Variants in GPR31 observed in about 807,000 individuals in gnomAD.
The protein encoded by GPR31 is 12-(S)-hydroxy-5,8,10,14-eicosatetraenoic acid receptor.
For missense variants in GPR31, 394 were observed against 400.5 expected (o/e 0.98, Z 0.14); for synonymous variants, 209 against 183.8 (o/e 1.14, Z -1.11).
chr6:167,157,238 T>C lies in GPR31; in HGVS notation c.594A>G (p.Ala198=). 8 of 1,614,182 alleles carry C rather than the reference T, an allele frequency of 5.0e-6. No individual in the cohort carries two copies. The highest frequency in any genetic ancestry group is 6.8e-6 in the Non-Finnish European group (8 of 1,180,034). The change falls in exon 1 of 1, where the codon GCA becomes GCG. Residue 198 remains alanine, a synonymous_variant. Coordinates refer to ENST00000366834, the MANE Select transcript of GPR31 (RefSeq NM_005299.3). ...TTTTCTGGAGAGCCCTGATGATGCC[T>C]GCATTGCAGAACACGATGAGGCCAA... ...LPFGLIVFCN[A]GIIRALQKRL...
chr6:167,157,234 T>G lies in GPR31; in HGVS notation c.598A>C (p.Ile200Leu). ...FGLIVFCNAG[I>L]IRALQKRLRE... Reference sequence around the variant, plus strand: ...AGTCTTTTCTGGAGAGCCCTGATGATGCCTGCATTGCAGAACACGATGAGG... The same window carrying G: ...AGTCTTTTCTGGAGAGCCCTGATGAGGCCTGCATTGCAGAACACGATGAGG... The change falls in exon 1 of 1, where the codon ATC (isoleucine) becomes CTC (leucine). Residue 200 changes from isoleucine to leucine, a missense_variant. Coordinates refer to ENST00000366834, the MANE Select transcript of GPR31 (RefSeq NM_005299.3). The G allele has an allele frequency of 6.2e-7, 1 of 1,614,194 alleles. No homozygotes were observed. The highest frequency in any genetic ancestry group is 8.5e-7 in the Non-Finnish European group (1 of 1,180,034).
In GPR31 at chr6:167,157,291, GT is replaced by G. The variant is rs1162558368; in HGVS notation, c.540del (p.Leu181SerfsTer64). 5.0e-6 allele frequency: 8 copies of G among 1,613,586 alleles called. No individual in the cohort carries two copies. The African/African-American group carries it at 8.0e-5, about 16-fold the overall frequency. On this transcript the variant is annotated frameshift_variant, in exon 1 of 1. Coordinates refer to ENST00000366834, the MANE Select transcript of GPR31 (RefSeq NM_005299.3). LOFTEE classifies it low-confidence loss of function (END_TRUNC). The part of the protein sequence containing the change: ...DGSFSIIWQE[A>X]LSCLQFVLPF... ...GGGAGGACAAACTGAAGGCAGGAGA[GT>G]GCTTCCTGCCAGATGATGCTGAAGG...
In GPR31 at chr6:167,157,532, C is replaced by T. The variant is rs1433885382; in HGVS notation, c.300G>A (p.Val100=). The change falls in exon 1 of 1, where the codon GTG becomes GTA. Residue 100 remains valine (V), a synonymous_variant. Coordinates refer to ENST00000366834, the MANE Select transcript of GPR31 (RefSeq NM_005299.3). ...LHFLLDLSRS[V]GMAFLAAVAL... is the part of the protein sequence containing the mutation. Reference sequence around the variant, plus strand: ...CCACGGCGGCCAGGAAGGCCATCCCCACGCTGCGGCTGAGGTCCAGCAGGA... The same window carrying T: ...CCACGGCGGCCAGGAAGGCCATCCCTACGCTGCGGCTGAGGTCCAGCAGGA... The T allele has an allele frequency of 3.7e-6, 6 of 1,610,502 alleles. No individual in the cohort carries two copies. The highest frequency in any genetic ancestry group is 5.1e-6 in the Non-Finnish European group (6 of 1,177,620).
rs1412169187 is a variant in GPR31 at position 167,156,212 on chromosome 6, A to G, written c.*660T>C. On this transcript the variant is annotated 3_prime_UTR_variant, in exon 1 of 1. Coordinates refer to ENST00000366834, the MANE Select transcript of GPR31 (RefSeq NM_005299.3). The surrounding 1 kb of genome is among the most constrained non-coding windows in gnomAD (Gnocchi z 4.5). ...AGGCAAATTCCAGAAACGTATCAGG[A>G]AAGCATTTCTTACAGTAAACTAGGG... The G allele has an allele frequency of 6.6e-6, 1 of 152,268 alleles. No homozygotes were observed. Among genetic ancestry groups the G allele is most frequent in the East Asian group, 1.9e-4 (1 of 5,206 alleles). The allele number at this position is 152,268 out of a possible 1,614,324, so 9.4% of individuals were successfully genotyped here.
Position 167,157,215 on chromosome 6 carries a change from T to A in GPR31, c.617A>T (p.Lys206Ile). Reference protein sequence around the residue: ...CNAGIIRALQKRLREPEKQPK... With the variant: ...CNAGIIRALQIRLREPEKQPK... ...CTGTTTCTCAGGCTCCCGGAGTCTT[T>A]TCTGGAGAGCCCTGATGATGCCTGC... The change falls in exon 1 of 1, where the codon AAA becomes ATA. Residue 206 changes from lysine (K) to isoleucine (I), a missense_variant. Lys to Ile is a moderately radical substitution (Grantham distance 102, BLOSUM62 -3). Coordinates refer to ENST00000366834, the MANE Select transcript of GPR31 (RefSeq NM_005299.3). The A allele has an allele frequency of 6.2e-7, 1 of 1,614,160 alleles. No individual in the cohort carries two copies. The highest frequency in any genetic ancestry group is 2.2e-5 in the East Asian group (1 of 44,876).
chr6:167,157,756 C>T lies in GPR31; in HGVS notation c.76G>A (p.Gly26Arg). 1 of 1,613,500 alleles carries T rather than the reference C, an allele frequency of 6.2e-7. No individual in the cohort carries two copies. Among genetic ancestry groups the T allele is most frequent in the Non-Finnish European group, 8.5e-7 (1 of 1,179,970 alleles). Reference protein sequence around the residue: ...AVGVLLGLECGLGLLGNAVAL... With the variant: ...AVGVLLGLECRLGLLGNAVAL... ...ACCGCGTTGCCCAGCAGACCCAGCC[C>T]ACACTCCAGCCCCAGCAAGACACCC... Residue 26 changes from glycine to arginine, a missense_variant, in exon 1 of 1, where the codon GGG (glycine) becomes AGG (arginine). Physicochemically the swap from Gly to Arg is moderately radical, Grantham distance 125. Coordinates refer to ENST00000366834, the MANE Select transcript of GPR31 (RefSeq NM_005299.3).
rs1782086521 is a variant in GPR31, at chr6:167,157,956, A to G, written c.-125T>C. 8.4e-7 allele frequency: 1 copy of G among 1,186,368 alleles called. No individual in the cohort carries two copies. Among genetic ancestry groups the G allele is most frequent in the Non-Finnish European group, 1.2e-6 (1 of 858,344 alleles). 73.5% of individuals were successfully genotyped at this position (1,186,368 alleles called of 1,614,324 possible). A position where few individuals can be genotyped will look rare whatever the true frequency, so the allele number is the denominator to read the frequency against. On this transcript the variant is annotated 5_prime_UTR_variant, in exon 1 of 1. Coordinates refer to ENST00000366834, the MANE Select transcript of GPR31 (RefSeq NM_005299.3). ...GAGTAGACAAGATCTACATTTGCCC[A>G]ACAAGAACAGTTCCTCAGCAGAATA...
Position 167,156,763 on chromosome 6 carries a change from T to C in GPR31, c.*109A>G. On this transcript the variant is annotated 3_prime_UTR_variant, in exon 1 of 1. Transcript: ENST00000366834. This position sits in a 1 kb window ranked among gnomAD's most constrained non-coding sequence, Gnocchi z 4.5. ...GCCCATGTTTATGCTCTGATCCTTG[T>C]ATTGCAGTCTTAAGACTTCTTCTTC... 8.4e-7 allele frequency: 1 copy of C among 1,196,376 alleles called. No individual in the cohort carries two copies. Among genetic ancestry groups the C allele is most frequent in the Non-Finnish European group, 1.2e-6 (1 of 843,202 alleles). The allele number at this position is 1,196,376 out of a possible 1,614,324, so 74.1% of individuals were successfully genotyped here.
rs768719314 is a variant in GPR31 at position 167,157,253 on chromosome 6, G to T, written c.579C>A (p.Ile193=). 6 of 1,614,066 alleles carry T rather than the reference G, an allele frequency of 3.7e-6. No homozygotes were observed. The Admixed American group carries it at 5.0e-5, about 13-fold the overall frequency. ...TGATGATGCCTGCATTGCAGAACAC[G>T]ATGAGGCCAAAGGGGAGGACAAACT... ...CLQFVLPFGL[I]VFCNAGIIRA... Residue 193 remains isoleucine (I), a synonymous_variant, in exon 1 of 1, where the codon ATC becomes ATA. Transcript: ENST00000366834.
In GPR31 at chr6:167,157,172, G is replaced by C; in HGVS notation, c.660C>G (p.Ala220=). 1 of 1,614,206 alleles carries C rather than the reference G, an allele frequency of 6.2e-7. No individual in the cohort carries two copies. The highest frequency in any genetic ancestry group is 2.2e-5 in the East Asian group (1 of 44,884). ...CCACCACCAAGGTGACCAGTGCCTGGGCCCGCTGAAGCTTGGGCTGTTTCT... is the reference window on the plus strand; with the variant it reads ...CCACCACCAAGGTGACCAGTGCCTGCGCCCGCTGAAGCTTGGGCTGTTTCT... ...EPEKQPKLQR[A]QALVTLVVVL... is the part of the protein sequence containing the mutation. The change falls in exon 1 of 1, where the codon GCC becomes GCG. Residue 220 remains alanine (A), a synonymous_variant. Transcript: ENST00000366834.
At position 167,157,977 on chromosome 6, in the gene GPR31, G is replaced by T; in HGVS notation, c.-146C>A. ...GCCCAACAAGAACAGTTCCTCAGCA[G>T]AATAGAGTCCACAGCAAACCAAAAT... On this transcript the variant is annotated 5_prime_UTR_variant, in exon 1 of 1. The change creates a new upstream start codon in the 5' untranslated region. Coordinates refer to ENST00000366834, the MANE Select transcript of GPR31 (RefSeq NM_005299.3). The T allele has an allele frequency of 9.8e-7, 1 of 1,024,744 alleles. No homozygotes were observed. The highest frequency in any genetic ancestry group is 1.4e-6 in the Non-Finnish European group (1 of 712,424). The allele number at this position is 1,024,744 out of a possible 1,614,324, so 63.5% of individuals were successfully genotyped here.
At position 167,157,319 on chromosome 6, in the gene GPR31, GC is replaced by G; in HGVS notation, c.512del (p.Gly171AlafsTer74). 6.2e-7 allele frequency: 1 copy of G among 1,614,054 alleles called. No individual in the cohort carries two copies. Among genetic ancestry groups the G allele is most frequent in the Non-Finnish European group, 8.5e-7 (1 of 1,180,018 alleles). On this transcript the variant is annotated frameshift_variant, in exon 1 of 1. Coordinates refer to ENST00000366834, the MANE Select transcript of GPR31 (RefSeq NM_005299.3). LOFTEE classifies it low-confidence loss of function (END_TRUNC). ...RCHSFYSRAD[G>X]SFSIIWQEAL... ...CTTCCTGCCAGATGATGCTGAAGGAGCCGTCTGCCCTGGAGTAGAAACTGTG... is the reference window on the plus strand; with the variant it reads ...CTTCCTGCCAGATGATGCTGAAGGAGCGTCTGCCCTGGAGTAGAAACTGTG...
At position 167,157,510 on chromosome 6, in the gene GPR31, C is replaced by T. The variant is rs780885378; in HGVS notation, c.322G>A (p.Val108Met). ...RSVGMAFLAAVALDRYLRVVH... is the reference protein window; with the variant it reads ...RSVGMAFLAAMALDRYLRVVH... Reference sequence around the variant, plus strand: ...ACACGGAGGTACCGGTCCAAAGCCACGGCGGCCAGGAAGGCCATCCCCACG... The same window carrying T: ...ACACGGAGGTACCGGTCCAAAGCCATGGCGGCCAGGAAGGCCATCCCCACG... Residue 108 changes from valine (V) to methionine (M), a missense_variant, in exon 1 of 1, where the codon GTG becomes ATG. Val to Met is a conservative substitution (Grantham distance 21). Transcript: ENST00000366834. 57 of 1,613,200 alleles carry T rather than the reference C, an allele frequency of 3.5e-5. 1 individual carries two copies. The highest frequency in any genetic ancestry group is 5.0e-5 in the Admixed American group (3 of 59,946).
In GPR31 at chr6:167,155,395, C is replaced by T. The variant is rs1451946477; in HGVS notation, c.*1477G>A. 4.6e-5 allele frequency among the ~76,000 whole-genome samples: 7 copies of T among 152,182 alleles called. No homozygotes were observed. Among genetic ancestry groups the T allele is most frequent in the Non-Finnish European group, 1.0e-4 (7 of 68,038 alleles). Reference sequence around the variant, plus strand: ...GTAGAATTCCAAATTATACTCCTTTCGTTGGGCAGATTTTTACACCCTTCC... The same window carrying T: ...GTAGAATTCCAAATTATACTCCTTTTGTTGGGCAGATTTTTACACCCTTCC... On this transcript the variant is annotated 3_prime_UTR_variant, in exon 1 of 1. Transcript: ENST00000366834.
chr6:167,157,049 A>T lies in GPR31; in HGVS notation c.783T>A (p.Ala261=). 6.2e-7 allele frequency: 1 copy of T among 1,614,162 alleles called. No homozygotes were observed. The highest frequency in any genetic ancestry group is 8.5e-7 in the Non-Finnish European group (1 of 1,180,024). The change falls in exon 1 of 1, where the codon GCT becomes GCA. Residue 261 remains alanine (A), a synonymous_variant. Coordinates refer to ENST00000366834, the MANE Select transcript of GPR31 (RefSeq NM_005299.3). ...GGCTGCCCGTGACATCCGAGGTATG[A>T]GCCACTGCACAAAGGGCCCTGCAGC... ...LGSCRALCAV[A]HTSDVTGSLT... is the part of the protein sequence containing the mutation.
Position 167,157,736 on chromosome 6 carries a change from G to A in GPR31, c.96C>T (p.Asn32=), listed in dbSNP as rs745982466. Residue 32 remains asparagine, a synonymous_variant, in exon 1 of 1, where the codon AAC becomes AAT. Coordinates refer to ENST00000366834, the MANE Select transcript of GPR31 (RefSeq NM_005299.3). The part of the protein sequence containing the change: ...GLECGLGLLG[N]AVALWTFLFR... The stretch of plus-strand genomic sequence containing the variant: ...ACAGGAAGGTCCACAGCGCCACCGC[G>A]TTGCCCAGCAGACCCAGCCCACACT... 2.3e-5 allele frequency: 37 copies of A among 1,613,444 alleles called. No homozygotes were observed. Among genetic ancestry groups the A allele is most frequent in the Admixed American group, 1.7e-5 (1 of 60,010 alleles).
At position 167,156,092 on chromosome 6, in the gene GPR31, G is replaced by A. The variant is rs1481170110; in HGVS notation, c.*780C>T. Reference sequence around the variant, plus strand: ...AGCTTACATTGTGCACTTCTCGCAGGAGGCATAAAGTTCTGTGACCTTTTT... The same window carrying A: ...AGCTTACATTGTGCACTTCTCGCAGAAGGCATAAAGTTCTGTGACCTTTTT... On this transcript the variant is annotated 3_prime_UTR_variant, in exon 1 of 1. Transcript: ENST00000366834. This position sits in a 1 kb window ranked among gnomAD's most constrained non-coding sequence, Gnocchi z 4.5. Among the ~76,000 whole-genome samples the A allele has an allele frequency of 6.6e-6, 1 of 152,198 alleles. No individual in the cohort carries two copies. The highest frequency in any genetic ancestry group is 1.5e-5 in the Non-Finnish European group (1 of 68,040).
rs1583011450 is a variant in GPR31 at position 167,157,962 on chromosome 6, A to ACTCT, written c.-132_-131insAGAG. The ACTCT allele has an allele frequency of 8.8e-7, 1 of 1,142,018 alleles. No individual in the cohort carries two copies. The highest frequency in any genetic ancestry group is 2.6e-5 in the East Asian group (1 of 38,690). 70.7% of individuals were successfully genotyped at this position (1,142,018 alleles called of 1,614,324 possible). Reference sequence around the variant, plus strand: ...ACAAGATCTACATTTGCCCAACAAGAACAGTTCCTCAGCAGAATAGAGTCC... The same window carrying ACTCT: ...ACAAGATCTACATTTGCCCAACAAGACTCTACAGTTCCTCAGCAGAATAGAGTCC... On this transcript the variant is annotated 5_prime_UTR_variant, in exon 1 of 1. Coordinates refer to ENST00000366834, the MANE Select transcript of GPR31 (RefSeq NM_005299.3).
Position 167,157,933 on chromosome 6 carries a change from G to T in GPR31, c.-102C>A. ...AGAAAAGGCCTTTTCCTGCCACAGA[G>T]TAGACAAGATCTACATTTGCCCAAC... On this transcript the variant is annotated 5_prime_UTR_variant, in exon 1 of 1. Transcript: ENST00000366834. The T allele has an allele frequency of 7.4e-7, 1 of 1,354,180 alleles. No individual in the cohort carries two copies. Among genetic ancestry groups the T allele is most frequent in the Non-Finnish European group, 9.9e-7 (1 of 1,008,492 alleles). 83.9% of individuals were successfully genotyped at this position (1,354,180 alleles called of 1,614,324 possible).
Sources: allele counts gnomAD v4.1 joint callset (sites outside exome capture counted in the v4.1 genomes callset), GRCh38; gene constraint gnomAD v4.1.1; non-coding constraint Gnocchi (gnomAD v3.1); transcripts MANE v1.5; gene names NCBI Gene and HGNC (gene_info 2026-07-23, HGNC 2026-07-21).